The following LRRC4B variants were observed in gnomAD, a reference collection of about 807,000 sequenced individuals.
LRRC4B encodes leucine rich repeat containing 4B.
A neutral mutation model predicts 7.3 loss-of-function variants in LRRC4B; 1 was observed. That is an observed-to-expected ratio of 0.14 (90% CI 0.05 to 0.65). The LOEUF is 0.65. Ranked by LOEUF, LRRC4B falls within the 30% of genes least tolerant of loss-of-function variation. The probability of loss-of-function intolerance (pLI) is 0.84; values close to 1 mark genes in which losing one functional copy is unlikely to be tolerated. For missense variants in LRRC4B, 730 were observed against 1,041.6 expected, an observed-to-expected ratio of 0.70 and a Z score of 4.12; for synonymous variants, 500 against 499.2, an observed-to-expected ratio of 1.00 and a Z score of -0.02.
At chr19:50,566,600 A>T (rs993748338) in intron 1 of LRRC4B, among the ~76,000 whole-genome samples, 1 of 151,084 alleles carries the variant, frequency 6.6e-6, no homozygotes, top group African/African-American at 2.4e-5. Context: ...GCAAGAGGCC[A>T]TCCTGGGCTC....
intron 2 of LRRC4B, among the ~76,000 whole-genome samples, chr19:50,539,445 C>T (rs59161733): frequency 0.064 from 9,786 of 152,262 alleles, 1,019 homozygotes; most frequent in African/African-American, 0.22. Context: ...CGCTCCCTGA[C>T]CCCCTGCTCC....
At chr19:50,552,880 G>T (rs1220452797) in intron 1 of LRRC4B, among the ~76,000 whole-genome samples, 3 of 152,186 alleles carry the variant, frequency 2.0e-5, no homozygotes, top group African/African-American at 7.2e-5. Flanking sequence ...GGCCACAAAA[G>T]GCACCTCTCG....
chr19:50,536,656 G>C (rs1044129176), intron 2 of LRRC4B, among the ~76,000 whole-genome samples: 2 of 152,184 alleles, frequency 1.3e-5, no homozygotes, highest in East Asian at 1.9e-4. Flanking sequence ...TCTCAGCTCA[G>C]CTCCTAGACT....
At position 50,541,330 on chromosome 19, in the gene LRRC4B, A is replaced by T. The variant is rs181568638; in HGVS notation, c.297+7212T>A. ...CAGTGAGCCAAGATTGCACCACTGCACTCCAGCCTGGTGACAGAGTGAAGC... is the reference window on the plus strand; with the variant it reads ...CAGTGAGCCAAGATTGCACCACTGCTCTCCAGCCTGGTGACAGAGTGAAGC... On this transcript the variant is annotated intron_variant, in intron 2 of 2. Coordinates refer to ENST00000652263, the MANE Select transcript of LRRC4B (RefSeq NM_001080457.2). Among the ~76,000 whole-genome samples the T allele has an allele frequency of 6.3e-3, 919 of 145,224 alleles. 12 individuals are homozygous for T. Among genetic ancestry groups the T allele is most frequent in the Non-Finnish European group, 5.5e-3 (370 of 67,220 alleles).
At chr19:50,558,347 C>T (rs1461952954) in intron 1 of LRRC4B, among the ~76,000 whole-genome samples, 1 of 152,206 alleles carries the variant, frequency 6.6e-6, no homozygotes, top group Non-Finnish European at 1.5e-5. Flanking sequence ...CCTCCCACCT[C>T]AGCCTCCTGA....
rs751328462 is a variant in LRRC4B at position 50,518,172 on chromosome 19, G to A, written c.1541C>T (p.Pro514Leu). 1 of 1,607,272 alleles carries A rather than the reference G, an allele frequency of 6.2e-7. No homozygotes were observed. Among genetic ancestry groups the A allele is most frequent in the South Asian group, 1.1e-5 (1 of 90,844 alleles). Residue 514 changes from proline (P) to leucine (L), a missense_variant, in exon 3 of 3, where the codon CCA becomes CTA. Coordinates refer to ENST00000652263, the MANE Select transcript of LRRC4B (RefSeq NM_001080457.2). ...LQPRGTEKEP[P>L]GPTTDGVWGG... ...CCAGACACCGTCTGTCGTGGGCCCT[G>A]GCGGTTCCTTCTCCGTCCCCCGCGG...
In LRRC4B at chr19:50,517,711, C is replaced by A; in HGVS notation, c.2002G>T (p.Ala668Ser). 1 of 1,553,264 alleles carries A rather than the reference C, an allele frequency of 6.4e-7. No homozygotes were observed. The change falls in exon 3 of 3, where the codon GCC (alanine) becomes TCC (serine). Residue 668 changes from alanine to serine, a missense_variant. Physicochemically the swap from Ala to Ser is moderately conservative, Grantham distance 99 (BLOSUM62 1). Transcript: ENST00000652263. The surrounding 1 kb of genome is among the most constrained non-coding windows in gnomAD (Gnocchi z 6.6). ...CTGCTGTAGTGCGCCTTGAAGGCGG[C>A]AGCCACGTAGTGGTGGTGGTTGAGG... ...DHLNHHHYVA[A>S]AFKAHYSSNP...
chr19:50,542,768 G>A (rs1055797671), intron 2 of LRRC4B, among the ~76,000 whole-genome samples: 3 of 151,992 alleles, frequency 2.0e-5, no homozygotes, highest in Non-Finnish European at 2.9e-5. Flanking sequence ...TAGCCACCGC[G>A]CCTGGCCATG....
At chr19:50,521,220 C>T (rs1449066521) in intron 2 of LRRC4B, among the ~76,000 whole-genome samples, 1 of 152,186 alleles carries the variant, frequency 6.6e-6, no homozygotes, top group Admixed American at 6.5e-5. Flanking sequence ...CCGTCCACAC[C>T]ATGCTCTGGG....
chr19:50,535,191 A>T (rs1981226779), intron 2 of LRRC4B, among the ~76,000 whole-genome samples: 1 of 145,168 alleles, frequency 6.9e-6, no homozygotes, highest in South Asian at 2.2e-4. Flanking sequence ...ATTTATTTTT[A>T]AGACAGGATC....
intron 1 of LRRC4B, among the ~76,000 whole-genome samples, chr19:50,551,352 C>G (rs933801404): frequency 6.6e-6 from 1 of 151,560 alleles, no homozygotes; most frequent in East Asian, 2.0e-4. Flanking sequence ...GCGCCCCCCC[C>G]ACTGGCCTGT....
chr19:50,519,518 C>T lies in LRRC4B; in HGVS notation c.298-103G>A, dbSNP rs1051985297. 2.1e-6 allele frequency: 3 copies of T among 1,445,442 alleles called. No homozygotes were observed. Among genetic ancestry groups the T allele is most frequent in the East Asian group, 5.0e-5 (2 of 40,140 alleles). The allele number at this position is 1,445,442 out of a possible 1,614,324, so 89.5% of individuals were successfully genotyped here. ...GGTGGGGCCGTGTGGCTGGATCTCC[C>T]GTGCTGTGCTGTGACGGTACGACCT... On this transcript the variant is annotated intron_variant, in intron 2 of 2. Transcript: ENST00000652263. This position sits in a 1 kb window ranked among gnomAD's most constrained non-coding sequence, Gnocchi z 8.1.
chr19:50,540,482 G>A (rs1167463129), intron 2 of LRRC4B, among the ~76,000 whole-genome samples: 1 of 152,010 alleles, frequency 6.6e-6, no homozygotes, highest in East Asian at 1.9e-4. Context: ...CCTGCCTCCT[G>A]AGTATCTGGG....
intron 2 of LRRC4B, among the ~76,000 whole-genome samples, chr19:50,526,591 C>G (rs374564126): frequency 6.6e-6 from 1 of 152,162 alleles, no homozygotes; most frequent in Non-Finnish European, 1.5e-5. Flanking sequence ...GCCTGTAATC[C>G]CAGCACTTTG....
rs1444193904 is a variant in LRRC4B at position 50,537,694 on chromosome 19, T to C, written c.297+10848A>G. ...CCGGCCGACTGTTCTTTTCTGTAAG[T>C]GTGCTGTGAGTCATCATGAGAAAAA... is the stretch of plus-strand genomic sequence containing the variant. On this transcript the variant is annotated intron_variant, in intron 2 of 2. Transcript: ENST00000652263. The surrounding 1 kb of genome is among the most constrained non-coding windows in gnomAD (Gnocchi z 5.5). Among the ~76,000 whole-genome samples, 1 of 152,162 alleles carries C rather than the reference T, an allele frequency of 6.6e-6. No individual in the cohort carries two copies. Among genetic ancestry groups the C allele is most frequent in the Non-Finnish European group, 1.5e-5 (1 of 68,020 alleles).
intron 2 of LRRC4B, among the ~76,000 whole-genome samples, chr19:50,535,711 G>A (rs1227970218): frequency 1.3e-5 from 2 of 152,146 alleles, no homozygotes; most frequent in South Asian, 4.1e-4. Flanking sequence ...GGCCGTTGTG[G>A]GCCCCTGATT....
chr19:50,527,114 GCTCCGC>G (rs1198677933), intron 2 of LRRC4B, among the ~76,000 whole-genome samples: 23 of 150,234 alleles, frequency 1.5e-4, no homozygotes, highest in Non-Finnish European at 2.7e-4. Context: ...CTTACTGCAA[GCTCCGC>G]CTCCTGGGTT....
rs947626095 is a variant in LRRC4B, at chr19:50,563,892, G to A, written c.-36+4052C>T. Reference sequence around the variant, plus strand: ...GAAGGATAAGACTCTTCCTGCTCTCGGCAAGGGAAGGAGGCCATTTAAGTG... The same window carrying A: ...GAAGGATAAGACTCTTCCTGCTCTCAGCAAGGGAAGGAGGCCATTTAAGTG... On this transcript the variant is annotated intron_variant, in intron 1 of 2. Coordinates refer to ENST00000652263, the MANE Select transcript of LRRC4B (RefSeq NM_001080457.2). This position sits in a 1 kb window ranked among gnomAD's most constrained non-coding sequence, Gnocchi z 4.9. Among the ~76,000 whole-genome samples the A allele has an allele frequency of 7.9e-5, 12 of 152,176 alleles. No homozygotes were observed. The highest frequency in any genetic ancestry group is 5.9e-4 in the Admixed American group (9 of 15,272).
intron 2 of LRRC4B, among the ~76,000 whole-genome samples, chr19:50,541,384 AG>A (rs68088456): frequency 0.23 from 30,107 of 131,376 alleles, 4,176 homozygotes; most frequent in Admixed American, 0.31. Context: ...AAAAAAAAAA[AG>A]AAAAAGAAAA....
Sources: allele counts gnomAD v4.1 joint callset (sites outside exome capture counted in the v4.1 genomes callset), GRCh38; gene constraint gnomAD v4.1.1; non-coding constraint Gnocchi (gnomAD v3.1); transcripts MANE v1.5; gene names NCBI Gene and HGNC (gene_info 2026-07-23, HGNC 2026-07-21).